Variants in MCF2L observed in about 807,000 individuals in gnomAD.
MCF2L encodes the protein guanine nucleotide exchange factor DBS.
A neutral mutation model predicts 153.4 loss-of-function variants in MCF2L; 97 were observed. That is an observed-to-expected ratio of 0.63 (90% CI 0.54 to 0.75). The LOEUF (loss-of-function observed/expected upper bound fraction) is 0.75. Ranked by LOEUF, MCF2L falls within the 30% of genes least tolerant of loss-of-function variation. The pLI is 0.00. For synonymous variants in MCF2L, 659 were observed against 632.2 expected (o/e 1.04, Z -0.64); for missense variants, 1,347 against 1,495.2 (o/e 0.90, Z 1.64).
At chr13:112,908,173 G>T (rs983340082) in intron 2 of MCF2L, among the ~76,000 whole-genome samples, 2 of 152,196 alleles carry the variant, frequency 1.3e-5, no homozygotes, top group African/African-American at 4.8e-5. Context: ...AATGCCAAGG[G>T]TGTGGGCAGC....
At chr13:112,936,100 T>G (rs1039703315) in intron 2 of MCF2L, among the ~76,000 whole-genome samples, 1 of 151,994 alleles carries the variant, frequency 6.6e-6, no homozygotes, top group Non-Finnish European at 1.5e-5. Flanking sequence ...GCCAACATAG[T>G]GAAACCCCGT....
intron 4 of MCF2L, among the ~76,000 whole-genome samples, chr13:113,047,996 G>A (rs1464757056): frequency 5.3e-5 from 8 of 151,974 alleles, no homozygotes; most frequent in African/African-American, 1.7e-4. Flanking sequence ...AGTCACTCCC[G>A]GGTTAGATGA....
chr13:113,097,129 C>T lies in MCF2L; in HGVS notation c.*270C>T. ...AGGCGCCGGGCAGCGGCATCTCGTC[C>T]TGGCTCCACCGTGCTGCTTCTGCCT... On this transcript the variant is annotated 3_prime_UTR_variant, in exon 30 of 30. Transcript: ENST00000535094. 1 of 328,788 alleles carries T rather than the reference C, an allele frequency of 3.0e-6. No homozygotes were observed. The allele number at this position is 328,788 out of a possible 1,614,324, so 20.4% of individuals were successfully genotyped here. A position where few individuals can be genotyped will look rare whatever the true frequency, so the allele number is the denominator to read the frequency against.
intron 2 of MCF2L, among the ~76,000 whole-genome samples, chr13:112,962,576 C>A (rs867850136): frequency 3.3e-5 from 5 of 152,202 alleles, no homozygotes; most frequent in African/African-American, 1.2e-4. Context: ...CATGGACAGA[C>A]CCTTCTTGCC....
chr13:113,088,593 A>G lies in MCF2L; in HGVS notation c.2799A>G (p.Ser933=). The G allele has an allele frequency of 6.2e-7, 1 of 1,609,908 alleles. No homozygotes were observed. The highest frequency in any genetic ancestry group is 1.7e-4 in the Middle Eastern group (1 of 6,058). The change falls in exon 25 of 30, where the codon TCA becomes TCG. Residue 933 remains serine, a synonymous_variant. Transcript: ENST00000535094. ...GCCAGCACCGGGCGCTGGAGCAGTCACAGAGCCTGCCCCTGCCGGCCCCGA... is the reference window on the plus strand; with the variant it reads ...GCCAGCACCGGGCGCTGGAGCAGTCGCAGAGCCTGCCCCTGCCGGCCCCGA... The part of the protein sequence containing the change: ...EASQHRALEQ[S]QSLPLPAPTS...
At chr13:112,898,223 A>G (rs922679459) in intron 1 of MCF2L, among the ~76,000 whole-genome samples, 2 of 152,104 alleles carry the variant, frequency 1.3e-5, no homozygotes, top group South Asian at 2.1e-4. Flanking sequence ...CCGCCAGCTC[A>G]CTGCTTCCCC....
At chr13:112,966,539 A>C (rs185328172), upstream of MCF2L, among the ~76,000 whole-genome samples, 2 of 152,338 alleles carry the variant, frequency 1.3e-5, no homozygotes, top group East Asian at 3.9e-4. This position sits in a 1 kb window ranked among gnomAD's most constrained non-coding sequence, Gnocchi z 4.1. Context: ...ATTTGACCCA[A>C]TATCTGGGCA....
rs779578581 is a variant in MCF2L, at chr13:113,078,488, C to G, written c.1734+52C>G. ...CATCCACACCCCCCTCCTTGGTTCA[C>G]GCTGGGCCTGGTTCTCCGTGTGGCC... On this transcript the variant is annotated intron_variant, in intron 14 of 29. Transcript: ENST00000535094. 3 of 1,530,658 alleles carry G rather than the reference C, an allele frequency of 2.0e-6. No individual in the cohort carries two copies. The East Asian group carries it at 6.9e-5, about 35-fold the overall frequency. 94.8% of individuals were successfully genotyped at this position (1,530,658 alleles called of 1,614,324 possible).
Position 113,077,178 on chromosome 13 carries a change from G to C in MCF2L, c.1627G>C (p.Glu543Gln). 6.2e-7 allele frequency: 1 copy of C among 1,604,438 alleles called. No individual in the cohort carries two copies. Among genetic ancestry groups the C allele is most frequent in the Non-Finnish European group, 8.5e-7 (1 of 1,175,286 alleles). The change falls in exon 13 of 30, where the codon GAG becomes CAG. Residue 543 changes from glutamate to glutamine, a missense_variant. Transcript: ENST00000535094. ...CGTGCAGCCGGTGGCCCCCAGACCC[G>C]AGGCACTGGCAAAGTCGCCCTGCCC... is the stretch of plus-strand genomic sequence containing the variant. ...RPVQPVAPRP[E>Q]ALAKSPCPSP...
Position 113,090,306 on chromosome 13 carries a change from T to C in MCF2L, c.2953+578T>C, listed in dbSNP as rs1230963485. On this transcript the variant is annotated intron_variant, in intron 26 of 29. Coordinates refer to ENST00000535094, the MANE Select transcript of MCF2L (RefSeq NM_001112732.3). ...CAATCACGTGTTCCCTGATGCTGTG[T>C]CTCGCGCACAGACACCAGAGTTATT... 4.0e-6 allele frequency: 5 copies of C among 1,234,732 alleles called. No homozygotes were observed. In the Admixed American group the frequency reaches 9.5e-5, roughly 23 times the overall value. The allele number at this position is 1,234,732 out of a possible 1,614,324, so 76.5% of individuals were successfully genotyped here.
At position 113,064,556 on chromosome 13, in the gene MCF2L, G is replaced by A; in HGVS notation, c.606+136G>A. On this transcript the variant is annotated intron_variant, in intron 6 of 29. Coordinates refer to ENST00000535094, the MANE Select transcript of MCF2L (RefSeq NM_001112732.3). The surrounding 1 kb of genome is among the most constrained non-coding windows in gnomAD (Gnocchi z 6.0). ...TCGTTTTCTTTCCCAAGAATGAGGAGATGGTCTCAGTGGACCTTAGTCATT... is the reference window on the plus strand; with the variant it reads ...TCGTTTTCTTTCCCAAGAATGAGGAAATGGTCTCAGTGGACCTTAGTCATT... 1.5e-6 allele frequency: 1 copy of A among 649,934 alleles called. No individual in the cohort carries two copies. The highest frequency in any genetic ancestry group is 2.8e-6 in the Non-Finnish European group (1 of 360,780). 40.3% of individuals were successfully genotyped at this position (649,934 alleles called of 1,614,324 possible).
At chr13:113,079,689 T>C (rs2033885053) in intron 15 of MCF2L, among the ~76,000 whole-genome samples, 1 of 152,066 alleles carries the variant, frequency 6.6e-6, no homozygotes. Context: ...TGATGGAAGC[T>C]GGTGAAACAG....
chr13:112,911,412 G>A (rs1290949860), intron 2 of MCF2L, among the ~76,000 whole-genome samples: 2 of 152,170 alleles, frequency 1.3e-5, no homozygotes, highest in Non-Finnish European at 2.9e-5. Flanking sequence ...CTGGGAGAGC[G>A]GCCCAGCCGC....
intron 1 of MCF2L, among the ~76,000 whole-genome samples, chr13:112,988,843 C>T (rs1243635070): frequency 2.4e-5 from 2 of 83,788 alleles, no homozygotes; most frequent in South Asian, 5.5e-4. Context: ...GATGGAGCTA[C>T]CACGCCCAAG....
chr13:112,999,749 CTG>C (rs2083284302), intron 1 of MCF2L, among the ~76,000 whole-genome samples: 1 of 152,220 alleles, frequency 6.6e-6, no homozygotes, highest in Admixed American at 6.5e-5. Context: ...ACACGTTGGA[CTG>C]TGCTCAGCTG....
At chr13:113,055,543 A>G (rs180760131) in intron 4 of MCF2L, among the ~76,000 whole-genome samples, 4 of 152,132 alleles carry the variant, frequency 2.6e-5, no homozygotes, top group African/African-American at 7.2e-5. Flanking sequence ...TCATCGCACC[A>G]TCAGAAAAAG....
intron 1 of MCF2L, among the ~76,000 whole-genome samples, chr13:112,976,877 C>T (rs956542719): frequency 6.6e-6 from 1 of 152,188 alleles, no homozygotes; most frequent in Non-Finnish European, 1.5e-5. Context: ...GGGTTGGGGT[C>T]GCCCAGTCGG....
intron 4 of MCF2L, among the ~76,000 whole-genome samples, chr13:113,050,018 A>C (rs4578540): frequency 8.6e-5 from 13 of 151,808 alleles, no homozygotes; most frequent in East Asian, 1.9e-4. Context: ...CTACCCACCC[A>C]GGGGGCAGAA....
At chr13:113,077,592 T>C (rs488717) in intron 13 of MCF2L, among the ~76,000 whole-genome samples, 106,485 of 151,956 alleles carry the variant, frequency 0.7, 37,774 homozygotes, top group East Asian at 0.89. Context: ...CTCCACGGTC[T>C]GTCCTTTCCC....
Sources: allele counts gnomAD v4.1 joint callset (sites outside exome capture counted in the v4.1 genomes callset), GRCh38; gene constraint gnomAD v4.1.1; non-coding constraint Gnocchi (gnomAD v3.1); transcripts MANE v1.5; gene names NCBI Gene and HGNC (gene_info 2026-07-23, HGNC 2026-07-21).